MTMR3: variants seen among roughly 807,000 people sequenced by gnomAD.
MTMR3 encodes phosphatidylinositol-3,5-bisphosphate 3-phosphatase MTMR3.
MTMR3 carries 32 observed loss-of-function variants against 132.4 expected under a neutral mutation model. That is an observed-to-expected ratio of 0.24 (90% CI 0.18 to 0.32). MTMR3 has a LOEUF of 0.32. Among genes scored for constraint, MTMR3 ranks in the 10% least tolerant of loss-of-function variants. MTMR3 has a pLI of 1.00. For synonymous variants in MTMR3, 556 were observed against 550.3 expected (o/e 1.01, Z -0.14); for missense variants, 1,216 against 1,489.6 (o/e 0.82, Z 3.02).
intron 3 of MTMR3, among the ~76,000 whole-genome samples, chr22:29,972,633 C>T (rs764367451): frequency 2.6e-5 from 4 of 152,088 alleles, no homozygotes; most frequent in African/African-American, 4.8e-5. Flanking sequence ...TGCAGTGGTG[C>T]GATCTCGGCT....
intron 1 of MTMR3, among the ~76,000 whole-genome samples, chr22:29,921,366 C>T (rs1037953056): frequency 6.6e-6 from 1 of 152,078 alleles, no homozygotes; most frequent in African/African-American, 2.4e-5. Context: ...TAGGGATGTG[C>T]CCTCATAACC....
At chr22:30,017,760 A>T in intron 15 of MTMR3, 167 bp from the exon 16 acceptor site, 1 of 730,810 alleles carries the variant, frequency 1.4e-6, no homozygotes, top group Non-Finnish European at 2.3e-6. Flanking sequence ...CTAGTCCTGT[A>T]TTGGTCCTCT....
At chr22:29,928,118 T>A (rs1227482214) in intron 1 of MTMR3, among the ~76,000 whole-genome samples, 2 of 151,708 alleles carry the variant, frequency 1.3e-5, no homozygotes, top group Non-Finnish European at 2.9e-5. Context: ...CCATCATTTT[T>A]AATCCCGTTC....
intron 1 of MTMR3, among the ~76,000 whole-genome samples, chr22:29,912,630 GTTC>G (rs1759926383): frequency 6.6e-6 from 1 of 152,130 alleles, no homozygotes; most frequent in South Asian, 2.1e-4. Context: ...TCAAAGTCCA[GTTC>G]TTCTTTACCA....
At chr22:30,001,842 C>G (rs1442172727) in intron 8 of MTMR3, 1 of 152,114 alleles carries the variant, frequency 6.6e-6, no homozygotes, top group African/African-American at 2.4e-5. Flanking sequence ...TGTTCAGTGG[C>G]TTTTAAATTC....
intron 1 of MTMR3, among the ~76,000 whole-genome samples, chr22:29,943,186 ATTTTTCTT>A (rs1338552519): frequency 1.3e-5 from 2 of 150,964 alleles, no homozygotes; most frequent in Non-Finnish European, 1.5e-5. Context: ...TGATGTGTGT[ATTTTTCTT>A]TTTTTCTTTT....
chr22:30,016,583 A>G lies in MTMR3; in HGVS notation c.1559A>G (p.Asn520Ser), dbSNP rs754171135. The G allele has an allele frequency of 8.1e-6, 13 of 1,614,068 alleles. No individual in the cohort carries two copies. The Middle Eastern group carries it at 6.6e-4, about 82-fold the overall frequency. Residue 520 changes from asparagine (N) to serine (S), a missense_variant, in exon 15 of 20, where the codon AAC becomes AGC. Asn to Ser is a conservative substitution (Grantham distance 46). Coordinates refer to ENST00000401950, the MANE Select transcript of MTMR3 (RefSeq NM_021090.4). Reference sequence around the variant, plus strand: ...CTGTTTGGAACATTCCTGTGCAACAACGCCAAGGAGAGAGGGGAAAAGCAT... The same window carrying G: ...CTGTTTGGAACATTCCTGTGCAACAGCGCCAAGGAGAGAGGGGAAAAGCAT... ...SCLFGTFLCN[N>S]AKERGEKHTQ...
chr22:30,004,375 G>T (rs1203699189), intron 9 of MTMR3: 1 of 152,186 alleles, frequency 6.6e-6, no homozygotes, highest in Admixed American at 6.5e-5. Flanking sequence ...TTGACCAAAA[G>T]GGGGAAGGTA....
chr22:29,951,544 T>C (rs1167310392), intron 1 of MTMR3, among the ~76,000 whole-genome samples: 1 of 152,228 alleles, frequency 6.6e-6, no homozygotes, highest in Non-Finnish European at 1.5e-5. Flanking sequence ...CTAAAAATGT[T>C]AGTGTGTAAT....
intron 6 of MTMR3, chr22:29,990,465 C>G (rs908284613): frequency 1.3e-5 from 2 of 152,044 alleles, no homozygotes; most frequent in Non-Finnish European, 2.9e-5. Context: ...TGAGATTTGG[C>G]TTATTTTTGA....
intron 1 of MTMR3, among the ~76,000 whole-genome samples, chr22:29,920,235 A>C (rs60495615): frequency 0.02 from 2,552 of 129,564 alleles, 69 homozygotes; most frequent in African/African-American, 0.069. Context: ...CAAAAAACCC[A>C]AAAAAAATTA....
In MTMR3 at chr22:29,998,747, T is replaced by A. The variant is rs199855132; in HGVS notation, c.461-14T>A. 2.5e-6 allele frequency: 4 copies of A among 1,599,758 alleles called. No homozygotes were observed. Among genetic ancestry groups the A allele is most frequent in the Non-Finnish European group, 3.4e-6 (4 of 1,172,506 alleles). On this transcript the variant is annotated splice_polypyrimidine_tract_variant and intron_variant, in intron 7 of 19. Coordinates refer to ENST00000401950, the MANE Select transcript of MTMR3 (RefSeq NM_021090.4). ...TTCATTTCTTCCTTTCTGCTGTTTA[T>A]CTTTGGCCTCTAGGGGAGCATGTAA...
rs935817838 is a variant in MTMR3, at chr22:29,948,382, A to G, written c.-137-8654A>G. On this transcript the variant is annotated intron_variant, in intron 1 of 19. Transcript: ENST00000401950. ...CAGATGGGGAGACAATAACATTAAC[A>G]TTCATTAACATTCAAAATAAAACAT... is the stretch of plus-strand genomic sequence containing the variant. 2.0e-5 allele frequency among the ~76,000 whole-genome samples: 3 copies of G among 152,356 alleles called. No individual in the cohort carries two copies. In the South Asian group the frequency reaches 6.2e-4, roughly 32 times the overall value.
At chr22:29,950,510 C>T (rs2066054799) in intron 1 of MTMR3, among the ~76,000 whole-genome samples, 1 of 152,006 alleles carries the variant, frequency 6.6e-6, no homozygotes, top group Non-Finnish European at 1.5e-5. Flanking sequence ...ATTACAGATG[C>T]ACACCACCAT....
At chr22:29,948,507 T>C (rs1267042993) in intron 1 of MTMR3, among the ~76,000 whole-genome samples, 2 of 152,336 alleles carry the variant, frequency 1.3e-5, no homozygotes, top group African/African-American at 4.8e-5. Flanking sequence ...GAATTTATGT[T>C]TAATATCTCA....
At chr22:29,958,848 A>G (rs748474222) in intron 2 of MTMR3, among the ~76,000 whole-genome samples, 7 of 152,244 alleles carry the variant, frequency 4.6e-5, no homozygotes, top group Non-Finnish European at 8.8e-5. Context: ...CCTTCTCAGT[A>G]TAAATTCTTC....
At chr22:29,994,909 G>C (rs1331838620) in intron 7 of MTMR3, 1 of 152,186 alleles carries the variant, frequency 6.6e-6, no homozygotes, top group Non-Finnish European at 1.5e-5. Flanking sequence ...CCAAATTCTT[G>C]ACCCTTCTCT....
chr22:29,971,074 GA>G lies in MTMR3; in HGVS notation c.3+15del, dbSNP rs762517321. 6.3e-7 allele frequency: 1 copy of G among 1,584,778 alleles called. No homozygotes were observed. The highest frequency in any genetic ancestry group is 8.6e-7 in the Non-Finnish European group (1 of 1,169,310). ...GGCCTCTTGTCATGGTAAGTACAAG[GA>G]AATAAGAGTAAAAAAAAAAACAAAA... On this transcript the variant is annotated intron_variant, in intron 3 of 19. Coordinates refer to ENST00000401950, the MANE Select transcript of MTMR3 (RefSeq NM_021090.4).
At position 29,951,774 on chromosome 22, in the gene MTMR3, C is replaced by G. The variant is rs59754446; in HGVS notation, c.-137-5262C>G. Among the ~76,000 whole-genome samples, 194 of 151,976 alleles carry G rather than the reference C, an allele frequency of 1.3e-3. 1 individual carries two copies. Among genetic ancestry groups the G allele is most frequent in the African/African-American group, 4.2e-3 (173 of 41,446 alleles). ...ATACTCTGTACCTCGTATGTAGTTA[C>G]ATACTTACACATGATTGATCTTTTG... On this transcript the variant is annotated intron_variant, in intron 1 of 19. Transcript: ENST00000401950.
Sources: allele counts gnomAD v4.1 joint callset (sites outside exome capture counted in the v4.1 genomes callset), GRCh38; gene constraint gnomAD v4.1.1; transcripts MANE v1.5; gene names NCBI Gene and HGNC (gene_info 2026-07-23, HGNC 2026-07-21).